ABCG2: variants seen among roughly 807,000 people sequenced by gnomAD.
ABCG2 encodes ATP binding cassette subfamily G member 2 (JR blood group), also known as broad substrate specificity ATP-binding cassette transporter ABCG2.
ABCG2 carries 80 observed loss-of-function variants against 73.5 expected under a neutral mutation model. The observed-to-expected ratio is 1.09, with a 90% CI of 0.91 to 1.31. The LOEUF (loss-of-function observed/expected upper bound fraction) is 1.31. Among genes scored for constraint, ABCG2 ranks in the 50% most tolerant of loss-of-function variants. The probability of loss-of-function intolerance (pLI) is 0.00; values close to 1 mark genes in which losing one functional copy is unlikely to be tolerated. For synonymous variants in ABCG2, 269 were observed against 282.4 expected, an observed-to-expected ratio of 0.95 and a Z score of 0.48; for missense variants, 796 against 786.2, an observed-to-expected ratio of 1.01 and a Z score of -0.15.
rs140089270 is a variant in ABCG2 at position 88,213,958 on chromosome 4, C to T, written c.-20+17036G>A. Among the ~76,000 whole-genome samples the T allele has an allele frequency of 5.4e-3, 777 of 142,752 alleles. 10 individuals are homozygous for T. The highest frequency in any genetic ancestry group is 0.019 in the African/African-American group (729 of 38,176). 93.7% of individuals were successfully genotyped at this position (142,752 alleles called of 152,430 possible). A position where few individuals can be genotyped will look rare whatever the true frequency, so the allele number is the denominator to read the frequency against. On this transcript the variant is annotated intron_variant, in intron 1 of 15. Transcript: ENST00000515655. ...TCAGCCTCCCAAAGTGCTGGGATTA[C>T]AGCCATGAGCCACCACGCCCGGCCT...
Position 88,092,213 on chromosome 4 carries a change from C to T in ABCG2, c.*21G>A. The T allele has an allele frequency of 6.3e-7, 1 of 1,582,484 alleles. No individual in the cohort carries two copies. Among genetic ancestry groups the T allele is most frequent in the Non-Finnish European group, 8.6e-7 (1 of 1,162,078 alleles). On this transcript the variant is annotated 3_prime_UTR_variant, in exon 16 of 16. Coordinates refer to ENST00000237612, the MANE Select transcript of ABCG2 (RefSeq NM_004827.3). ...GCTTCTTTTTTATGTGAGGATAAATCATACTGAATTAAGGGGAAATTTAAG... is the reference window on the plus strand; with the variant it reads ...GCTTCTTTTTTATGTGAGGATAAATTATACTGAATTAAGGGGAAATTTAAG...
At chr4:88,121,192 C>A (rs1315609012) in intron 6 of ABCG2, among the ~76,000 whole-genome samples, 2 of 151,770 alleles carry the variant, frequency 1.3e-5, no homozygotes, top group East Asian at 3.9e-4. Flanking sequence ...ACAACCCAGT[C>A]TGAAGATGAT....
chr4:88,093,508 A>G, intron 15 of ABCG2, among the ~76,000 whole-genome samples: 1 of 149,446 alleles, frequency 6.7e-6, no homozygotes, highest in Admixed American at 6.7e-5. Context: ...CATTTCAAAA[A>G]AAAAAAAAAA....
At chr4:88,218,306 GT>G (rs1419785625) in intron 1 of ABCG2, among the ~76,000 whole-genome samples, 7 of 152,198 alleles carry the variant, frequency 4.6e-5, no homozygotes, top group Non-Finnish European at 7.4e-5. Flanking sequence ...TTTGTTTATT[GT>G]TTATTATTTG....
At chr4:88,172,581 G>GGA (rs112755274) in intron 1 of ABCG2, among the ~76,000 whole-genome samples, 1,513 of 142,376 alleles carry the variant, frequency 0.011, 10 homozygotes, top group Middle Eastern at 0.018. Context: ...CTGTCTCAGG[G>GGA]AAAAAAAAAA....
intron 1 of ABCG2, among the ~76,000 whole-genome samples, chr4:88,213,417 A>C (rs1729679391): frequency 6.6e-6 from 1 of 152,136 alleles, no homozygotes; most frequent in Non-Finnish European, 1.5e-5. Context: ...AGAGAACTTC[A>C]GATTCTGTTC....
chr4:88,150,105 C>A (rs1388489131), intron 1 of ABCG2, among the ~76,000 whole-genome samples: 1 of 152,030 alleles, frequency 6.6e-6, no homozygotes, highest in Non-Finnish European at 1.5e-5. Context: ...GCTTGAGGCC[C>A]GGAATTTGGA....
chr4:88,211,125 T>C (rs1010717627), intron 1 of ABCG2, among the ~76,000 whole-genome samples: 8 of 151,612 alleles, frequency 5.3e-5, no homozygotes, highest in Admixed American at 2.0e-4. Context: ...TATATATATA[T>C]GTAAAAGAAG....
chr4:88,231,545 G>A (rs1174559177), upstream of ABCG2, among the ~76,000 whole-genome samples: 1 of 151,972 alleles, frequency 6.6e-6, no homozygotes, highest in Non-Finnish European at 1.5e-5. Context: ...CTTTATTTTC[G>A]AAATGGAAGG....
intron 5 of ABCG2, among the ~76,000 whole-genome samples, chr4:88,123,825 G>T (rs1724189776): frequency 6.6e-6 from 1 of 152,068 alleles, no homozygotes; most frequent in Non-Finnish European, 1.5e-5. Flanking sequence ...ACAGCACAAA[G>T]ATACTCCTCA....
chr4:88,138,540 A>C (rs1262331213), intron 2 of ABCG2, among the ~76,000 whole-genome samples: 8 of 152,220 alleles, frequency 5.3e-5, no homozygotes, highest in Admixed American at 5.2e-4. Context: ...CTGAATGGTG[A>C]TGCTGCTATC....
At chr4:88,124,010 A>C (rs1724202354) in intron 5 of ABCG2, among the ~76,000 whole-genome samples, 1 of 152,236 alleles carries the variant, frequency 6.6e-6, no homozygotes, top group Non-Finnish European at 1.5e-5. Flanking sequence ...ACCAATATTC[A>C]AAATTCTTAA....
intron 9 of ABCG2, among the ~76,000 whole-genome samples, chr4:88,107,608 G>A (rs1161011009): frequency 6.6e-6 from 1 of 152,206 alleles, no homozygotes; most frequent in Non-Finnish European, 1.5e-5. Flanking sequence ...GGATAGCAGA[G>A]CAATGCAAGT....
At chr4:88,227,199 C>T (rs554105782) in intron 1 of ABCG2, among the ~76,000 whole-genome samples, 6 of 152,198 alleles carry the variant, frequency 3.9e-5, no homozygotes, top group South Asian at 2.1e-4. Flanking sequence ...TCGAGACCAG[C>T]CTGCCTGACC....
At chr4:88,191,960 C>A (rs1728708667) in intron 1 of ABCG2, among the ~76,000 whole-genome samples, 1 of 152,056 alleles carries the variant, frequency 6.6e-6, no homozygotes, top group South Asian at 2.1e-4. Context: ...TACCTGAGCT[C>A]TGGCATTCGA....
At chr4:88,218,519 ATT>A (rs911852150) in intron 1 of ABCG2, among the ~76,000 whole-genome samples, 13 of 152,094 alleles carry the variant, frequency 8.5e-5, no homozygotes, top group African/African-American at 3.1e-4. Context: ...TTTGGTGGTG[ATT>A]TGTGAAGTTT....
At chr4:88,098,218 C>A (rs761388362) in intron 12 of ABCG2, among the ~76,000 whole-genome samples, 1 of 152,228 alleles carries the variant, frequency 6.6e-6, no homozygotes, top group Non-Finnish European at 1.5e-5. Context: ...GTCTGGAGAT[C>A]TAGATCCTAA....
intron 10 of ABCG2, among the ~76,000 whole-genome samples, chr4:88,105,489 T>A (rs544158168): frequency 6.6e-6 from 1 of 152,178 alleles, no homozygotes; most frequent in East Asian, 1.9e-4. Flanking sequence ...CACAATACAG[T>A]CGATAAAAAG....
At chr4:88,108,941 A>G (rs1469199130) in intron 9 of ABCG2, among the ~76,000 whole-genome samples, 1 of 152,188 alleles carries the variant, frequency 6.6e-6, no homozygotes, top group Non-Finnish European at 1.5e-5. Context: ...GCATGCATGA[A>G]TGTGCATACA....
Sources: gnomAD v4.1 joint callset for allele counts (sites outside exome capture counted in the v4.1 genomes callset) on GRCh38, gnomAD v4.1.1 for gene constraint, MANE v1.5 for transcripts, NCBI Gene and HGNC (gene_info 2026-07-23, HGNC 2026-07-21) for gene names.